The following KCNIP4 variants were observed in gnomAD, a reference collection of about 807,000 sequenced individuals.
KCNIP4 encodes Kv channel-interacting protein 4.
A neutral mutation model predicts 34.0 loss-of-function variants in KCNIP4; 12 were observed. That is an observed-to-expected ratio of 0.35 (90% confidence interval 0.23 to 0.57). KCNIP4 has a LOEUF of 0.57. KCNIP4 is among the 20% of genes least tolerant of loss of function. The pLI, the probability that KCNIP4 is intolerant of heterozygous loss-of-function variation, is 0.83. For synonymous variants in KCNIP4, 124 were observed against 102.2 expected, an observed-to-expected ratio of 1.21 and a Z score of -1.29; for missense variants, 238 against 311.7, an observed-to-expected ratio of 0.76 and a Z score of 1.78.
At chr4:21,407,926 T>A (rs1724135756) in intron 1 of KCNIP4, among the ~76,000 whole-genome samples, 1 of 152,166 alleles carries the variant, frequency 6.6e-6, no homozygotes, top group South Asian at 2.1e-4. Flanking sequence ...AATTTGCTCA[T>A]GCATTGCAAC....
intron 6 of KCNIP4, among the ~76,000 whole-genome samples, chr4:20,734,121 G>A (rs370916253): frequency 2.6e-4 from 39 of 152,252 alleles, no homozygotes; most frequent in Middle Eastern, 6.8e-3. Context: ...TTCTCGCTGT[G>A]TTTTAAATTG....
At chr4:20,788,003 A>T (rs1005248550) in intron 3 of KCNIP4, among the ~76,000 whole-genome samples, 2 of 152,108 alleles carry the variant, frequency 1.3e-5, no homozygotes, top group African/African-American at 4.8e-5. Context: ...TTTACTACAC[A>T]CTTCCTTCCT....
intron 1 of KCNIP4, among the ~76,000 whole-genome samples, chr4:20,951,612 G>T (rs1439534351): frequency 6.6e-6 from 1 of 152,042 alleles, no homozygotes; most frequent in Non-Finnish European, 1.5e-5. Flanking sequence ...TATCTTTTTT[G>T]AATAGGTGCC....
At chr4:20,864,206 A>G (rs1722592603) in intron 2 of KCNIP4, among the ~76,000 whole-genome samples, 2 of 150,534 alleles carry the variant, frequency 1.3e-5, no homozygotes, top group African/African-American at 2.4e-5. Flanking sequence ...GTATGTACAC[A>G]CATGCATGTA....
At chr4:21,225,453 C>T (rs1462988620) in intron 1 of KCNIP4, among the ~76,000 whole-genome samples, 2 of 152,142 alleles carry the variant, frequency 1.3e-5, no homozygotes, top group Non-Finnish European at 2.9e-5. Context: ...CAATTTATAA[C>T]TATGGATCCA....
intron 1 of KCNIP4, among the ~76,000 whole-genome samples, chr4:21,365,462 A>T (rs1207628006): frequency 6.7e-6 from 1 of 148,492 alleles, no homozygotes; most frequent in African/African-American, 2.5e-5. Context: ...TGGATAACAG[A>T]GTGAGACTGT....
At chr4:21,026,714 T>G (rs1740586454) in intron 1 of KCNIP4, among the ~76,000 whole-genome samples, 1 of 152,196 alleles carries the variant, frequency 6.6e-6, no homozygotes, top group Non-Finnish European at 1.5e-5. Flanking sequence ...TCTTCATTAA[T>G]TTCTTTTTAG....
intron 1 of KCNIP4, among the ~76,000 whole-genome samples, chr4:21,836,280 C>T (rs1723312571): frequency 6.6e-6 from 1 of 151,844 alleles, no homozygotes; most frequent in African/African-American, 2.4e-5. Context: ...TGATGACATG[C>T]CCTTTCTTTA....
At chr4:21,244,805 G>C (rs1760087543) in intron 1 of KCNIP4, among the ~76,000 whole-genome samples, 1 of 152,140 alleles carries the variant, frequency 6.6e-6, no homozygotes, top group Non-Finnish European at 1.5e-5. Flanking sequence ...GATACTTTAA[G>C]ATGCTAAGTC....
At chr4:21,129,300 G>A (rs145950195) in intron 1 of KCNIP4, among the ~76,000 whole-genome samples, 7 of 152,110 alleles carry the variant, frequency 4.6e-5, no homozygotes, top group South Asian at 2.1e-4. Flanking sequence ...CCCAGTCTCC[G>A]GTATGTCTTC....
chr4:21,775,987 G>A (rs751870863), intron 1 of KCNIP4, among the ~76,000 whole-genome samples: 6 of 152,212 alleles, frequency 3.9e-5, no homozygotes, highest in Non-Finnish European at 5.9e-5. Context: ...CACTCCAGGA[G>A]TTCAGTAGGC....
At chr4:21,063,066 G>C (rs1195257217) in intron 1 of KCNIP4, among the ~76,000 whole-genome samples, 1 of 152,054 alleles carries the variant, frequency 6.6e-6, no homozygotes, top group Non-Finnish European at 1.5e-5. Context: ...CAACAAAAAA[G>C]ACAAGCATAT....
chr4:21,618,244 A>G (rs1389444145), intron 1 of KCNIP4, among the ~76,000 whole-genome samples: 2 of 152,210 alleles, frequency 1.3e-5, no homozygotes, highest in African/African-American at 4.8e-5. Flanking sequence ...TAGCAAAAAG[A>G]AAGAAACAGC....
intron 1 of KCNIP4, among the ~76,000 whole-genome samples, chr4:21,758,147 ATCAT>A (rs1447480498): frequency 2.0e-5 from 3 of 152,216 alleles, no homozygotes; most frequent in African/African-American, 7.2e-5. Flanking sequence ...AATAAGCGAA[ATCAT>A]TCATTCAATT....
intron 1 of KCNIP4, among the ~76,000 whole-genome samples, chr4:21,117,321 G>A (rs1225515524): frequency 4.6e-5 from 5 of 109,680 alleles, no homozygotes; most frequent in Non-Finnish European, 6.0e-5. Context: ...GGGGGGGGGC[G>A]CTGTTTTTCA....
intron 1 of KCNIP4, among the ~76,000 whole-genome samples, chr4:21,425,280 C>A (rs868362653): frequency 6.6e-6 from 1 of 152,084 alleles, no homozygotes; most frequent in Non-Finnish European, 1.5e-5. Flanking sequence ...ACAAAATAGC[C>A]AATTTTCCTA....
intron 2 of KCNIP4, among the ~76,000 whole-genome samples, chr4:20,857,423 T>G (rs1274470096): frequency 6.6e-6 from 1 of 152,182 alleles, no homozygotes; most frequent in Non-Finnish European, 1.5e-5. Flanking sequence ...GCAAGGTGCT[T>G]GATTGGCATA....
chr4:21,555,462 A>G (rs1234011258), intron 1 of KCNIP4, among the ~76,000 whole-genome samples: 1 of 152,296 alleles, frequency 6.6e-6, no homozygotes, highest in East Asian at 1.9e-4. Context: ...TTCCAGGGCA[A>G]TAAAGTTTTT....
intron 1 of KCNIP4, among the ~76,000 whole-genome samples, chr4:20,981,408 G>T (rs757915296): frequency 2.0e-5 from 3 of 152,090 alleles, no homozygotes; most frequent in African/African-American, 4.8e-5. Flanking sequence ...TATTTCACAT[G>T]GTATTAGCCA....
Sources: gnomAD v4.1 joint callset for allele counts (sites outside exome capture counted in the v4.1 genomes callset) on GRCh38, gnomAD v4.1.1 for gene constraint, MANE v1.5 for transcripts, NCBI Gene and HGNC (gene_info 2026-07-23, HGNC 2026-07-21) for gene names.